Variants in ARFGEF3 observed in about 807,000 individuals in gnomAD.
The protein encoded by ARFGEF3 is ARFGEF family member 3.
In ARFGEF3, 96 loss-of-function variants were observed where a neutral mutation model predicts 221.7. That is an observed-to-expected ratio of 0.43 (90% CI 0.37 to 0.51). The LOEUF is 0.51. Among genes scored for constraint, ARFGEF3 ranks in the 20% least tolerant of loss-of-function variants. ARFGEF3 has a pLI of 0.00. For missense variants in ARFGEF3, 2,410 were observed against 2,789.9 expected (o/e 0.86, Z 3.07); for synonymous variants, 1,145 against 1,126.8 (o/e 1.02, Z -0.32).
Position 138,180,750 on chromosome 6 carries a change from G to A in ARFGEF3, c.137+10037G>A, listed in dbSNP as rs377644512. Among the ~76,000 whole-genome samples, 4 of 152,312 alleles carry A rather than the reference G, an allele frequency of 2.6e-5. No homozygotes were observed. The East Asian group carries it at 7.7e-4, about 29-fold the overall frequency. Reference sequence around the variant, plus strand: ...TCTGGGCTCAGTGGGAACCTTGTAAGTGAGCAAGGGCTTGTTCTAGAGGAG... The same window carrying A: ...TCTGGGCTCAGTGGGAACCTTGTAAATGAGCAAGGGCTTGTTCTAGAGGAG... On this transcript the variant is annotated intron_variant, in intron 2 of 33. Transcript: ENST00000251691.
chr6:138,248,138 A>C (rs1386329451), intron 8 of ARFGEF3, among the ~76,000 whole-genome samples: 1 of 152,208 alleles, frequency 6.6e-6, no homozygotes, highest in Admixed American at 6.5e-5. Flanking sequence ...ATAGAAGAAG[A>C]AGTGGGAGTC....
intron 4 of ARFGEF3, chr6:138,218,346 A>G (rs751096429): frequency 7.7e-6 from 12 of 1,553,354 alleles, no homozygotes; most frequent in Non-Finnish European, 1.0e-5. Flanking sequence ...TAAAATGTGA[A>G]TAATATTGTG....
intron 6 of ARFGEF3, 44 bp downstream of exon 6, chr6:138,238,675 T>G (rs778571158): frequency 6.2e-7 from 1 of 1,602,530 alleles, no homozygotes; most frequent in East Asian, 2.2e-5. Context: ...CCTGGTGGTG[T>G]CTGTGTATCC....
At chr6:138,251,595 C>T (rs1480711233) in intron 8 of ARFGEF3, among the ~76,000 whole-genome samples, 2 of 152,146 alleles carry the variant, frequency 1.3e-5, no homozygotes, top group Non-Finnish European at 2.9e-5. Context: ...CTACAGGACC[C>T]TTCCTGATCG....
intron 26 of ARFGEF3, among the ~76,000 whole-genome samples, chr6:138,316,553 T>TTTG (rs1779929314): frequency 3.3e-5 from 5 of 152,208 alleles, no homozygotes; most frequent in African/African-American, 1.2e-4. Flanking sequence ...ATATCTTTGC[T>TTTG]CTCTCTTCCT....
intron 2 of ARFGEF3, among the ~76,000 whole-genome samples, chr6:138,193,284 A>T (rs754369617): frequency 3.5e-4 from 53 of 152,162 alleles, no homozygotes; most frequent in South Asian, 8.3e-4. Flanking sequence ...AGGCCTAATG[A>T]GTATCACCTT....
rs1159907890 is a variant in ARFGEF3 at position 138,263,034 on chromosome 6, G to T, written c.1551G>T (p.Glu517Asp). The T allele has an allele frequency of 1.2e-6, 2 of 1,610,168 alleles. No homozygotes were observed. ...VTTDTGQTTL[E>D]GELGQTTPED... ...CAGACACAGGCCAGACCACTCTCGA[G>T]GGAGAGTTGGGTCAGACTACACCCG... Residue 517 changes from glutamate (E) to aspartate (D), a missense_variant, in exon 12 of 34, where the codon GAG (glutamate) becomes GAT (aspartate). Physicochemically the swap from Glu to Asp is conservative, Grantham distance 45. Coordinates refer to ENST00000251691, the MANE Select transcript of ARFGEF3 (RefSeq NM_020340.5).
chr6:138,236,156 T>C (rs1007763218), intron 5 of ARFGEF3, among the ~76,000 whole-genome samples: 12 of 152,196 alleles, frequency 7.9e-5, no homozygotes. Flanking sequence ...GATTGCATAG[T>C]GGTATGTTTC....
chr6:138,239,005 G>C (rs1011387453), intron 6 of ARFGEF3, among the ~76,000 whole-genome samples: 12 of 152,224 alleles, frequency 7.9e-5, no homozygotes, highest in African/African-American at 2.9e-4. Context: ...TTTGAGGTTG[G>C]GTATGTTTCC....
chr6:138,311,750 G>T (rs1423990810), intron 25 of ARFGEF3, among the ~76,000 whole-genome samples: 1 of 152,086 alleles, frequency 6.6e-6, no homozygotes, highest in African/African-American at 2.4e-5. Context: ...TTTCCCTCAC[G>T]CTCAGATGCC....
At chr6:138,245,682 T>C (rs1450636710) in intron 8 of ARFGEF3, 91 bp downstream of exon 8, 1 of 959,866 alleles carries the variant, frequency 1.0e-6, no homozygotes, top group African/African-American at 1.6e-5. Flanking sequence ...TTATGGATTG[T>C]AAGATTATAG....
intron 5 of ARFGEF3, among the ~76,000 whole-genome samples, chr6:138,236,352 A>G (rs1778287511): frequency 6.6e-6 from 1 of 152,252 alleles, no homozygotes; most frequent in Non-Finnish European, 1.5e-5. Flanking sequence ...AAACTGTTAA[A>G]TTATGAAGTA....
chr6:138,297,753 TA>T (rs1331419312), intron 21 of ARFGEF3, among the ~76,000 whole-genome samples: 1 of 152,224 alleles, frequency 6.6e-6, no homozygotes, highest in East Asian at 1.9e-4. Flanking sequence ...AACAACCATT[TA>T]TTTAGCTCAT....
At chr6:138,245,668 CA>C in intron 8 of ARFGEF3, 77 bp downstream of exon 8, 1 of 1,045,664 alleles carries the variant, frequency 9.6e-7, no homozygotes, top group Non-Finnish European at 1.5e-6. Context: ...AGCATCACTT[CA>C]AATTATGGAT....
At chr6:138,201,477 T>C (rs1777534909) in intron 2 of ARFGEF3, among the ~76,000 whole-genome samples, 1 of 152,204 alleles carries the variant, frequency 6.6e-6, no homozygotes, top group Admixed American at 6.5e-5. Context: ...TACAATGGAA[T>C]ACTACTCAGA....
chr6:138,244,415 A>G (rs117883784), intron 7 of ARFGEF3, among the ~76,000 whole-genome samples: 1 of 152,328 alleles, frequency 6.6e-6, no homozygotes, highest in Non-Finnish European at 1.5e-5. Context: ...TCCACTTACT[A>G]TTTCATGTAG....
At position 138,256,067 on chromosome 6, in the gene ARFGEF3, A is replaced by G. The variant is rs563953755; in HGVS notation, c.1104+298A>G. Among the ~76,000 whole-genome samples, 5 of 152,188 alleles carry G rather than the reference A, an allele frequency of 3.3e-5. No individual in the cohort carries two copies. In the South Asian group the frequency reaches 1.0e-3, roughly 32 times the overall value. ...GCCCATGCTGAGATTTCATTCTTCT[A>G]CCTTACGTGCTGTTTGTGCAGATAT... is the stretch of plus-strand genomic sequence containing the variant. On this transcript the variant is annotated intron_variant, in intron 10 of 33. Coordinates refer to ENST00000251691, the MANE Select transcript of ARFGEF3 (RefSeq NM_020340.5).
chr6:138,267,250 C>T (rs1778913664), intron 12 of ARFGEF3, among the ~76,000 whole-genome samples: 1 of 152,090 alleles, frequency 6.6e-6, no homozygotes, highest in African/African-American at 2.4e-5. Flanking sequence ...ATGGCAAAAC[C>T]CCGCCTCTAC....
chr6:138,310,082 ATTTG>A (rs931236417), intron 24 of ARFGEF3, among the ~76,000 whole-genome samples: 2 of 152,160 alleles, frequency 1.3e-5, no homozygotes, highest in African/African-American at 2.4e-5. Flanking sequence ...AAGTGGAATT[ATTTG>A]TTTGGGGCCT....
Sources: gnomAD v4.1 joint callset for allele counts (sites outside exome capture counted in the v4.1 genomes callset) on GRCh38, gnomAD v4.1.1 for gene constraint, MANE v1.5 for transcripts, NCBI Gene and HGNC (gene_info 2026-07-23, HGNC 2026-07-21) for gene names.